TNFRSF10B: variants seen among roughly 807,000 people sequenced by gnomAD.
TNFRSF10B encodes tumor necrosis factor receptor superfamily member 10B.
TNFRSF10B carries 35 observed loss-of-function variants against 41.4 expected under a neutral mutation model. The ratio of observed to expected loss-of-function variants is 0.85; its 90% confidence interval spans 0.65 to 1.12. The LOEUF (loss-of-function observed/expected upper bound fraction) is 1.12, where lower values mean the gene tolerates loss of function less well. Among genes scored for constraint, TNFRSF10B ranks in the 50% most tolerant of loss-of-function variants. TNFRSF10B has a pLI of 0.00. For synonymous variants in TNFRSF10B, 230 were observed against 215.5 expected (o/e 1.07, Z -0.59); for missense variants, 584 against 552.7 (o/e 1.06, Z -0.57).
intron 1 of TNFRSF10B, among the ~76,000 whole-genome samples, chr8:23,061,140 A>C (rs1585228308): frequency 6.6e-6 from 1 of 152,340 alleles, no homozygotes; most frequent in Admixed American, 6.5e-5. Flanking sequence ...ACAAAATATA[A>C]GTTTTACACC....
intron 6 of TNFRSF10B, 74 bp downstream of exon 6, chr8:23,027,648 C>T (rs959937678): frequency 2.5e-6 from 4 of 1,604,104 alleles, no homozygotes; most frequent in East Asian, 2.2e-5. Context: ...GGGGACCCAC[C>T]CACCCAGGTT....
Position 23,022,491 on chromosome 8 carries a change from G to A in TNFRSF10B, c.*180C>T. 1.4e-6 allele frequency: 1 copy of A among 714,396 alleles called. No individual in the cohort carries two copies. The highest frequency in any genetic ancestry group is 2.5e-6 in the Non-Finnish European group (1 of 398,462). The allele number at this position is 714,396 out of a possible 1,614,324, so 44.3% of individuals were successfully genotyped here. A position where few individuals can be genotyped will look rare whatever the true frequency, so the allele number is the denominator to read the frequency against. ...ATCACATTCAGCTTATAAAAATAAT[G>A]CCAAGTGCAGTGAAAAGTTACAGGA... On this transcript the variant is annotated 3_prime_UTR_variant, in exon 9 of 9. Transcript: ENST00000276431.
chr8:23,058,732 G>T (rs561526434), intron 1 of TNFRSF10B, among the ~76,000 whole-genome samples: 1 of 152,014 alleles, frequency 6.6e-6, no homozygotes, highest in African/African-American at 2.4e-5. Context: ...TGATCTGCTC[G>T]CTTCACCCTC....
intron 1 of TNFRSF10B, among the ~76,000 whole-genome samples, chr8:23,053,615 A>G (rs939142776): frequency 1.3e-5 from 2 of 152,210 alleles, no homozygotes; most frequent in African/African-American, 2.4e-5. Flanking sequence ...TAAAAGCACA[A>G]TGGGTTTCTC....
At chr8:23,064,754 C>T (rs1812934176) in intron 1 of TNFRSF10B, among the ~76,000 whole-genome samples, 1 of 152,228 alleles carries the variant, frequency 6.6e-6, no homozygotes, top group Non-Finnish European at 1.5e-5. Context: ...TCTTTCCTCT[C>T]TGAGTCACCC....
chr8:23,027,243 C>T lies in TNFRSF10B; in HGVS notation c.826G>A (p.Val276Met), dbSNP rs748928192. The change falls in exon 7 of 9, where the codon GTG (valine) becomes ATG (methionine). Residue 276 changes from valine to methionine, a missense_variant. Physicochemically the swap from Val to Met is conservative, Grantham distance 21. Coordinates refer to ENST00000276431, the MANE Select transcript of TNFRSF10B (RefSeq NM_003842.5). ...ACCTGGGTGGGCTGCAAGATACTCA[C>T]GATCTCATTGAGGACATTGTCCTCA... ...GAEDNVLNEI[V>M]SILQPTQVPE... 13 of 1,614,168 alleles carry T rather than the reference C, an allele frequency of 8.1e-6. No homozygotes were observed. The highest frequency in any genetic ancestry group is 2.2e-5 in the East Asian group (1 of 44,890).
rs539174197 is a variant in TNFRSF10B at position 23,028,931 on chromosome 8, C to T, written c.477-329G>A. Among the ~76,000 whole-genome samples the T allele has an allele frequency of 3.9e-5, 6 of 152,304 alleles. No homozygotes were observed. In the South Asian group the frequency reaches 6.2e-4, roughly 16 times the overall value. ...ACACTCCAGGGGAAGGTCACAAGCC[C>T]GTGTGGCCACAAGATGAGTCCGGTC... On this transcript the variant is annotated intron_variant, in intron 4 of 8. Transcript: ENST00000276431.
intron 2 of TNFRSF10B, among the ~76,000 whole-genome samples, chr8:23,033,585 CAAAAAAAAAAAAAAAAAAAAAA>C (rs59282000): frequency 4.4e-3 from 275 of 62,280 alleles, no homozygotes; most frequent in Non-Finnish European, 6.4e-3. Flanking sequence ...GACTCCGTCT[CAAAAAAAAAAAAAAAAAAAAAA>C]AAAAAAAAAA....
At chr8:23,056,650 C>CAAAA (rs36035737) in intron 1 of TNFRSF10B, among the ~76,000 whole-genome samples, 1 of 122,734 alleles carries the variant, frequency 8.1e-6, no homozygotes, top group African/African-American at 3.0e-5. Context: ...GACTCCATCT[C>CAAAA]AAAAAAAAAA....
intron 6 of TNFRSF10B, 134 bp downstream of exon 6, chr8:23,027,588 C>G: frequency 7.9e-7 from 1 of 1,259,754 alleles, no homozygotes; most frequent in Non-Finnish European, 1.1e-6. Context: ...CCACAGTCAG[C>G]CCAGAGCACC....
chr8:23,056,139 TC>T (rs1812658237), intron 1 of TNFRSF10B, among the ~76,000 whole-genome samples: 1 of 152,190 alleles, frequency 6.6e-6, no homozygotes, highest in Non-Finnish European at 1.5e-5. Flanking sequence ...TACCAGATGA[TC>T]CAGCAATCCC....
intron 1 of TNFRSF10B, among the ~76,000 whole-genome samples, chr8:23,048,694 G>C (rs1192217140): frequency 6.6e-6 from 1 of 152,088 alleles, no homozygotes; most frequent in East Asian, 1.9e-4. Flanking sequence ...TGAGGTGTTG[G>C]ACATATTAGC....
chr8:23,061,836 ATTGTTCAGTTTTCAT>A (rs1812839117), intron 1 of TNFRSF10B, among the ~76,000 whole-genome samples: 1 of 152,164 alleles, frequency 6.6e-6, no homozygotes, highest in Non-Finnish European at 1.5e-5. Context: ...AATGTATTAC[ATTGTTCAGTTTTCAT>A]TTGTTCAAAC....
intron 1 of TNFRSF10B, among the ~76,000 whole-genome samples, chr8:23,055,989 C>T (rs1365675379): frequency 6.6e-6 from 1 of 152,160 alleles, no homozygotes; most frequent in African/African-American, 2.4e-5. Context: ...AGGCCTTCTC[C>T]CTGTAACCAG....
chr8:23,035,880 G>A (rs1812017516), intron 2 of TNFRSF10B, among the ~76,000 whole-genome samples: 2 of 152,152 alleles, frequency 1.3e-5, no homozygotes, highest in Non-Finnish European at 2.9e-5. Context: ...AGTTTTGAGT[G>A]GTGCTCAGAA....
At chr8:23,065,564 C>T (rs1335263988) in intron 1 of TNFRSF10B, among the ~76,000 whole-genome samples, 1 of 152,214 alleles carries the variant, frequency 6.6e-6, no homozygotes, top group East Asian at 1.9e-4. Context: ...GGACAGAACG[C>T]ATGCCAGGGT....
At chr8:23,034,950 T>G (rs1811989124) in intron 2 of TNFRSF10B, among the ~76,000 whole-genome samples, 2 of 152,192 alleles carry the variant, frequency 1.3e-5, no homozygotes, top group African/African-American at 4.8e-5. Flanking sequence ...TTTCATTGTT[T>G]GAGCAAATCG....
chr8:23,027,406 C>T, intron 6 of TNFRSF10B, 118 bp from the exon 7 acceptor site: 1 of 1,297,712 alleles, frequency 7.7e-7, no homozygotes, highest in Non-Finnish European at 1.1e-6. Context: ...AGTGAGGTCA[C>T]CGCAGGCAGC....
At chr8:23,056,438 G>C (rs1353057228) in intron 1 of TNFRSF10B, among the ~76,000 whole-genome samples, 2 of 152,132 alleles carry the variant, frequency 1.3e-5, no homozygotes, top group East Asian at 3.9e-4. Flanking sequence ...ATCATTTGAG[G>C]GCAGGAGTTT....
Sources: gnomAD v4.1 joint callset for allele counts (sites outside exome capture counted in the v4.1 genomes callset) on GRCh38, gnomAD v4.1.1 for gene constraint, MANE v1.5 for transcripts, NCBI Gene and HGNC (gene_info 2026-07-23, HGNC 2026-07-21) for gene names.